Variants in GRID2 observed in about 807,000 individuals in gnomAD.
GRID2 encodes glutamate receptor ionotropic, delta-2.
GRID2 carries 33 observed loss-of-function variants against 114.8 expected under a neutral mutation model. The ratio of observed to expected loss-of-function variants is 0.29; its 90% CI spans 0.22 to 0.38. The LOEUF (loss-of-function observed/expected upper bound fraction) is 0.38, where lower values mean the gene tolerates loss of function less well. Ranked by LOEUF, GRID2 falls within the 10% of genes least tolerant of loss-of-function variation. The probability of loss-of-function intolerance (pLI) is 1.00; values close to 1 mark genes in which losing one functional copy is unlikely to be tolerated. For missense variants in GRID2, 1,184 were observed against 1,257.7 expected, an observed-to-expected ratio of 0.94 and a Z score of 0.89; for synonymous variants, 505 against 449.9, an observed-to-expected ratio of 1.12 and a Z score of -1.55.
intron 2 of GRID2, among the ~76,000 whole-genome samples, chr4:92,882,531 A>G (rs1298982780): frequency 1.3e-5 from 2 of 152,044 alleles, no homozygotes; most frequent in East Asian, 3.9e-4. Context: ...GCCTAGAACT[A>G]TATTAGGGGT....
chr4:92,489,870 A>G (rs1482614030), intron 1 of GRID2, among the ~76,000 whole-genome samples: 1 of 151,392 alleles, frequency 6.6e-6, no homozygotes, highest in Non-Finnish European at 1.5e-5. Flanking sequence ...AAAGTAAATG[A>G]TTTCACTTAG....
At chr4:92,750,573 C>A (rs1327769187) in intron 2 of GRID2, among the ~76,000 whole-genome samples, 2 of 152,128 alleles carry the variant, frequency 1.3e-5, no homozygotes, top group African/African-American at 4.8e-5. Context: ...TGATTCCAGA[C>A]CCTGGCTGTT....
rs1241265141 is a variant in GRID2, at chr4:92,512,069, G to T, written c.89-78062G>T. 4.0e-5 allele frequency among the ~76,000 whole-genome samples: 6 copies of T among 151,046 alleles called. 1 individual carries two copies. The highest frequency in any genetic ancestry group is 7.4e-5 in the Non-Finnish European group (5 of 67,764). On this transcript the variant is annotated intron_variant, in intron 1 of 15. Coordinates refer to ENST00000282020, the MANE Select transcript of GRID2 (RefSeq NM_001510.4). ...TCTATTTTTTTTTTTCTTATGTAAG[G>T]TACTGTAGGTACTTTACTCACTGTG...
At chr4:93,571,598 G>A (rs1385274653) in intron 13 of GRID2, among the ~76,000 whole-genome samples, 1 of 152,058 alleles carries the variant, frequency 6.6e-6, no homozygotes, top group Non-Finnish European at 1.5e-5. Context: ...TTTCAGGTTA[G>A]TCATTTAGAC....
chr4:93,786,508 C>T (rs1330561380), intron 1 of GRID2, among the ~76,000 whole-genome samples: 1 of 152,168 alleles, frequency 6.6e-6, no homozygotes, highest in African/African-American at 2.4e-5. Context: ...GGTACAATTC[C>T]TCTGCAGTAA....
intron 14 of GRID2, among the ~76,000 whole-genome samples, chr4:93,632,691 G>T (rs2002933): frequency 0.15 from 22,158 of 152,092 alleles, 1,860 homozygotes; most frequent in Non-Finnish European, 0.19. Flanking sequence ...TATTGTCTTG[G>T]CAATGCGGGC....
intron 2 of GRID2, among the ~76,000 whole-genome samples, chr4:92,880,808 G>C (rs1745949210): frequency 6.6e-6 from 1 of 152,080 alleles, no homozygotes; most frequent in Non-Finnish European, 1.5e-5. Flanking sequence ...TACAACCTCT[G>C]CCTCCCGGGT....
chr4:92,400,155 T>C (rs1006585829), intron 1 of GRID2, among the ~76,000 whole-genome samples: 4 of 152,170 alleles, frequency 2.6e-5, no homozygotes, highest in Non-Finnish European at 4.4e-5. Flanking sequence ...AGTTCAGTCA[T>C]TTTTAGTATA....
At chr4:92,661,710 A>C (rs1732528158) in intron 2 of GRID2, among the ~76,000 whole-genome samples, 1 of 150,886 alleles carries the variant, frequency 6.6e-6, no homozygotes, top group Admixed American at 6.6e-5. Context: ...TAACTAGATA[A>C]TTTTTCTGTT....
chr4:93,702,282 A>G (rs1245764371), intron 14 of GRID2, among the ~76,000 whole-genome samples: 1 of 152,160 alleles, frequency 6.6e-6, no homozygotes, highest in Non-Finnish European at 1.5e-5. Flanking sequence ...AAAACAAATA[A>G]TTGTTTTGCT....
intron 2 of GRID2, among the ~76,000 whole-genome samples, chr4:92,880,934 C>T (rs1229377494): frequency 6.6e-6 from 1 of 151,852 alleles, no homozygotes; most frequent in African/African-American, 2.4e-5. Flanking sequence ...CTGAGTCTCA[C>T]TCTGTCGCCC....
intron 1 of GRID2, among the ~76,000 whole-genome samples, chr4:92,388,731 C>T (rs565268124): frequency 6.6e-6 from 1 of 152,096 alleles, no homozygotes; most frequent in South Asian, 2.1e-4. Context: ...TGAATCCTTG[C>T]CTTCTATGAT....
intron 1 of GRID2, among the ~76,000 whole-genome samples, chr4:92,574,198 G>C (rs913928879): frequency 2.6e-5 from 4 of 151,986 alleles, no homozygotes; most frequent in Non-Finnish European, 5.9e-5. Flanking sequence ...TTGTATGTGA[G>C]ACGAGTCCCT....
At chr4:93,076,379 C>G (rs866486950) in intron 2 of GRID2, among the ~76,000 whole-genome samples, 2 of 152,008 alleles carry the variant, frequency 1.3e-5, no homozygotes, top group Non-Finnish European at 2.9e-5. Context: ...TTTTCACTTG[C>G]AGAAGTTGTA....
At chr4:93,725,918 T>C in intron 14 of GRID2, among the ~76,000 whole-genome samples, 1 of 152,216 alleles carries the variant, frequency 6.6e-6, no homozygotes, top group Non-Finnish European at 1.5e-5. Flanking sequence ...AAAAATTTTC[T>C]CCCATTCTGT....
At position 93,772,117 on chromosome 4, in the gene GRID2, A is replaced by G. The variant is rs745583471; in HGVS notation, c.2643A>G (p.Val881=). The stretch of plus-strand genomic sequence containing the variant: ...ACCTGGAGCACCTCCATAGACGTGT[A>G]AATAGCTTGTGCACAGATGACGACA... ...EIDLEHLHRR[V]NSLCTDDDSP... The change falls in exon 16 of 16, where the codon GTA becomes GTG. Residue 881 remains valine (V), a synonymous_variant. Coordinates refer to ENST00000282020, the MANE Select transcript of GRID2 (RefSeq NM_001510.4). 3 of 1,612,474 alleles carry G rather than the reference A, an allele frequency of 1.9e-6. No individual in the cohort carries two copies. The East Asian group carries it at 6.7e-5, about 36-fold the overall frequency.
chr4:93,215,782 C>G (rs955911054), intron 5 of GRID2, among the ~76,000 whole-genome samples: 5 of 151,930 alleles, frequency 3.3e-5, no homozygotes, highest in Non-Finnish European at 7.4e-5. Context: ...TATCTGTTTT[C>G]TTTCATTTTT....
intron 4 of GRID2, among the ~76,000 whole-genome samples, chr4:93,142,373 G>T (rs1306381064): frequency 5.9e-5 from 9 of 152,164 alleles, no homozygotes; most frequent in Admixed American, 1.3e-4. Context: ...AGATCAAGGT[G>T]CTGGAAGAAA....
intron 2 of GRID2, among the ~76,000 whole-genome samples, chr4:92,640,593 C>T (rs1227902225): frequency 6.6e-6 from 1 of 151,660 alleles, no homozygotes; most frequent in Admixed American, 6.6e-5. Context: ...ATTCTGATAA[C>T]TAGGTAATTA....
Sources: gnomAD v4.1 joint callset for allele counts (sites outside exome capture counted in the v4.1 genomes callset) on GRCh38, gnomAD v4.1.1 for gene constraint, MANE v1.5 for transcripts, NCBI Gene and HGNC (gene_info 2026-07-23, HGNC 2026-07-21) for gene names.